MBD5: variants seen among roughly 807,000 people sequenced by gnomAD.
MBD5 encodes the protein methyl-CpG binding domain protein 5, also known as methyl-CpG-binding domain protein 5.
A neutral mutation model predicts 117.3 loss-of-function variants in MBD5; 13 were observed. That is an observed-to-expected ratio of 0.11 (90% confidence interval 0.07 to 0.18). The LOEUF (loss-of-function observed/expected upper bound fraction) is 0.18. Among genes scored for constraint, MBD5 ranks in the 10% least tolerant of loss-of-function variants. The pLI, the probability that MBD5 is intolerant of heterozygous loss-of-function variation, is 1.00. For synonymous variants in MBD5, 727 were observed against 766.4 expected (o/e 0.95, Z 0.85); for missense variants, 1,879 against 2,093.8 (o/e 0.90, Z 2.00).
chr2:148,090,585 A>G (rs1695913282), intron 1 of MBD5, among the ~76,000 whole-genome samples: 1 of 152,160 alleles, frequency 6.6e-6, no homozygotes, highest in South Asian at 2.1e-4. Context: ...TGAATTAAAA[A>G]CAAAAATTAT....
Position 148,117,637 on chromosome 2 carries a change from G to A in MBD5, c.-924-61063G>A, listed in dbSNP as rs376311493. 2.0e-4 allele frequency among the ~76,000 whole-genome samples: 31 copies of A among 152,172 alleles called. No homozygotes were observed. The South Asian group carries it at 6.2e-3, about 31-fold the overall frequency. The stretch of plus-strand genomic sequence containing the variant: ...ACTAACCAGAGCACATACCTGGATG[G>A]AGAAAAAATTTGCCTGTGTATATAA... On this transcript the variant is annotated intron_variant, in intron 1 of 13. Transcript: ENST00000642680.
At chr2:148,263,007 G>A (rs1002482999) in intron 3 of MBD5, among the ~76,000 whole-genome samples, 21 of 152,176 alleles carry the variant, frequency 1.4e-4, no homozygotes, top group Admixed American at 1.2e-3. Flanking sequence ...AACACTGAGT[G>A]TGATTCAAAG....
At chr2:148,247,933 AAT>A in intron 3 of MBD5, among the ~76,000 whole-genome samples, 1 of 152,266 alleles carries the variant, frequency 6.6e-6, no homozygotes, top group South Asian at 2.1e-4. Context: ...GAAATATAAA[AAT>A]AGTGTTTATA....
intron 3 of MBD5, among the ~76,000 whole-genome samples, chr2:148,253,182 G>T (rs1460265160): frequency 6.6e-6 from 1 of 152,136 alleles, no homozygotes; most frequent in Non-Finnish European, 1.5e-5. Flanking sequence ...CTAGGAGATT[G>T]TAACACCATC....
At chr2:148,426,417 G>C (rs914577286) in intron 4 of MBD5, among the ~76,000 whole-genome samples, 5 of 151,964 alleles carry the variant, frequency 3.3e-5, no homozygotes, top group African/African-American at 1.2e-4. Context: ...CAAGGCTACA[G>C]TAACCAAAAC....
At chr2:148,152,082 C>G (rs1338995282) in intron 1 of MBD5, among the ~76,000 whole-genome samples, 3 of 151,750 alleles carry the variant, frequency 2.0e-5, no homozygotes, top group Non-Finnish European at 2.9e-5. Context: ...GCATTTAGTG[C>G]TATAAATTTC....
At chr2:148,205,079 T>C (rs1558971697) in intron 2 of MBD5, among the ~76,000 whole-genome samples, 1 of 152,058 alleles carries the variant, frequency 6.6e-6, no homozygotes, top group Non-Finnish European at 1.5e-5. Context: ...CTTATTATTT[T>C]TATTTTATTT....
chr2:148,486,092 T>A, intron 10 of MBD5, 142 bp downstream of exon 10: 1 of 788,174 alleles, frequency 1.3e-6, no homozygotes, highest in Non-Finnish European at 2.2e-6. Flanking sequence ...TGAGTATTGT[T>A]AAACATTCCA....
intron 3 of MBD5, among the ~76,000 whole-genome samples, chr2:148,301,857 G>T (rs1559012830): frequency 6.6e-6 from 1 of 152,150 alleles, no homozygotes; most frequent in Non-Finnish European, 1.5e-5. Flanking sequence ...GACCCCACTT[G>T]CCTAACTCCT....
At chr2:148,064,995 G>A (rs1178135237) in intron 1 of MBD5, among the ~76,000 whole-genome samples, 1 of 151,966 alleles carries the variant, frequency 6.6e-6, no homozygotes, top group Non-Finnish European at 1.5e-5. Flanking sequence ...ACTTCTTTCA[G>A]GCCCCATACA....
intron 4 of MBD5, among the ~76,000 whole-genome samples, chr2:148,391,958 A>G (rs559927702): frequency 6.6e-6 from 1 of 152,194 alleles, no homozygotes. Flanking sequence ...CTTGTATTGC[A>G]TTATTGGAAA....
At chr2:148,344,895 G>A (rs765948662) in intron 4 of MBD5, among the ~76,000 whole-genome samples, 46 of 151,708 alleles carry the variant, frequency 3.0e-4, no homozygotes, top group Admixed American at 2.6e-4. Context: ...TTTTTTAAGA[G>A]AATCTCTAAA....
At chr2:148,030,312 A>G (rs934791607) in intron 1 of MBD5, among the ~76,000 whole-genome samples, 3 of 152,262 alleles carry the variant, frequency 2.0e-5, no homozygotes, top group Non-Finnish European at 4.4e-5. Context: ...TCTCAAGTGT[A>G]TCTGAAGATA....
At chr2:148,282,410 T>C (rs1701268214) in intron 3 of MBD5, among the ~76,000 whole-genome samples, 1 of 152,176 alleles carries the variant, frequency 6.6e-6, no homozygotes, top group Non-Finnish European at 1.5e-5. Context: ...CTGGCGTTGA[T>C]ATTTGCTTCC....
chr2:148,489,870 A>T lies in MBD5; in HGVS notation c.4238A>T (p.Asp1413Val), dbSNP rs752035001. Reference protein sequence around the residue: ...LDHGKNVNEGDGFEYFKSASC... With the variant: ...LDHGKNVNEGVGFEYFKSASC... ...CATGGGAAAAATGTGAACGAAGGAG[A>T]TGGGTTTGAATATTTCAAGTCAGCA... Residue 1413 changes from aspartate to valine, a missense_variant, in exon 11 of 14, where the codon GAT (aspartate) becomes GTT (valine). Physicochemically the swap from Asp to Val is radical, Grantham distance 152. This residue lies in a region of MBD5 where 1,666 missense variants were observed against 1,792.2 expected (regional missense o/e 0.93). Transcript: ENST00000642680. 4.3e-5 allele frequency: 69 copies of T among 1,614,048 alleles called. No homozygotes were observed. The South Asian group carries it at 5.5e-4, about 13-fold the overall frequency.
intron 1 of MBD5, among the ~76,000 whole-genome samples, chr2:148,162,023 G>A (rs1181112766): frequency 3.9e-5 from 6 of 152,144 alleles, no homozygotes; most frequent in Non-Finnish European, 7.3e-5. Flanking sequence ...TTGCCATTTT[G>A]TGCACACCTG....
intron 1 of MBD5, among the ~76,000 whole-genome samples, chr2:148,092,290 G>T (rs1695963390): frequency 6.6e-6 from 1 of 152,192 alleles, no homozygotes; most frequent in African/African-American, 2.4e-5. Flanking sequence ...ACTACCATTT[G>T]ACCCGGCAAT....
At chr2:148,444,363 G>C (rs1416326834) in intron 4 of MBD5, among the ~76,000 whole-genome samples, 1 of 150,994 alleles carries the variant, frequency 6.6e-6, no homozygotes, top group East Asian at 1.9e-4. Context: ...ACTTTGTCAA[G>C]AAAACAGCAT....
At chr2:148,055,846 G>T (rs1393563110) in intron 1 of MBD5, 1 of 152,176 alleles carries the variant, frequency 6.6e-6, no homozygotes, top group African/African-American at 2.4e-5. Flanking sequence ...TTGCATTGGT[G>T]AAGTAGTTCT....
Sources: allele counts gnomAD v4.1 joint callset (sites outside exome capture counted in the v4.1 genomes callset), GRCh38; gene constraint gnomAD v4.1.1; regional missense constraint gnomAD v4.1.1; transcripts MANE v1.5; gene names NCBI Gene and HGNC (gene_info 2026-07-23, HGNC 2026-07-21).